NCOA1: variants seen among roughly 807,000 people sequenced by gnomAD.
NCOA1 encodes nuclear receptor coactivator 1.
A neutral mutation model predicts 150.9 loss-of-function variants in NCOA1; 35 were observed. The observed-to-expected ratio is 0.23, with a 90% CI of 0.18 to 0.31. NCOA1 has a LOEUF of 0.31. Among genes scored for constraint, NCOA1 ranks in the 10% least tolerant of loss-of-function variants. The pLI, the probability that NCOA1 is intolerant of heterozygous loss-of-function variation, is 1.00. For synonymous variants in NCOA1, 590 were observed against 630.0 expected, an observed-to-expected ratio of 0.94 and a Z score of 0.95; for missense variants, 1,491 against 1,749.3, an observed-to-expected ratio of 0.85 and a Z score of 2.63.
chr2:24,607,606 C>T (rs1265017740), intron 3 of NCOA1, among the ~76,000 whole-genome samples: 2 of 151,152 alleles, frequency 1.3e-5, no homozygotes, highest in African/African-American at 4.9e-5. Context: ...AGGAGAATGG[C>T]GTGAACCCAG....
intron 1 of NCOA1, among the ~76,000 whole-genome samples, chr2:24,498,259 A>AC (rs1663308007): frequency 3.3e-5 from 5 of 152,224 alleles, no homozygotes; most frequent in Non-Finnish European, 7.3e-5. Flanking sequence ...TTCGGTCAAG[A>AC]CGTAGTTATA....
chr2:24,606,378 A>G (rs1668364895), intron 3 of NCOA1, among the ~76,000 whole-genome samples: 1 of 152,066 alleles, frequency 6.6e-6, no homozygotes, highest in Non-Finnish European at 1.5e-5. Flanking sequence ...CTGGGATTAC[A>G]GGCGCCTGCC....
intron 14 of NCOA1, among the ~76,000 whole-genome samples, chr2:24,720,983 A>T (rs1242146660): frequency 6.6e-6 from 1 of 152,150 alleles, no homozygotes; most frequent in Admixed American, 6.5e-5. Context: ...ATCCTCCTTC[A>T]CCACCTGAGA....
intron 3 of NCOA1, among the ~76,000 whole-genome samples, chr2:24,615,161 T>C (rs1466900113): frequency 6.6e-6 from 1 of 152,228 alleles, no homozygotes; most frequent in Non-Finnish European, 1.5e-5. Flanking sequence ...TTTGTGACAT[T>C]ACAGAATATA....
chr2:24,685,444 G>A (rs189324334), intron 8 of NCOA1, among the ~76,000 whole-genome samples: 2 of 152,294 alleles, frequency 1.3e-5, no homozygotes, highest in Non-Finnish European at 2.9e-5. Flanking sequence ...AGAATGAGAT[G>A]TTAGTGAACA....
chr2:24,654,011 CATTTT>C (rs754451789), intron 4 of NCOA1, among the ~76,000 whole-genome samples: 1 of 152,068 alleles, frequency 6.6e-6, no homozygotes, highest in South Asian at 2.1e-4. Context: ...TTTTAAAATA[CATTTT>C]ATTTATATGA....
chr2:24,635,640 A>G (rs777548285), intron 3 of NCOA1, among the ~76,000 whole-genome samples: 5 of 152,188 alleles, frequency 3.3e-5, no homozygotes, highest in East Asian at 3.8e-4. Context: ...TATCTTTGCC[A>G]TATATAATGA....
At chr2:24,701,852 A>T (rs1294866989) in intron 11 of NCOA1, among the ~76,000 whole-genome samples, 2 of 152,216 alleles carry the variant, frequency 1.3e-5, no homozygotes, top group Non-Finnish European at 2.9e-5. Context: ...CCTATTAAAA[A>T]TACAAAAATT....
At chr2:24,545,790 G>T (rs1299800883) in intron 1 of NCOA1, among the ~76,000 whole-genome samples, 1 of 152,062 alleles carries the variant, frequency 6.6e-6, no homozygotes, top group African/African-American at 2.4e-5. Flanking sequence ...GTTTTTATTA[G>T]ATTTATTTAC....
chr2:24,600,219 T>C (rs889638760), intron 3 of NCOA1, among the ~76,000 whole-genome samples: 1 of 152,214 alleles, frequency 6.6e-6, no homozygotes, highest in Non-Finnish European at 1.5e-5. Flanking sequence ...GTTGTTGTTT[T>C]TGAGGCAGGG....
At chr2:24,599,725 C>CTTTTTT in intron 3 of NCOA1, among the ~76,000 whole-genome samples, 1 of 108,502 alleles carries the variant, frequency 9.2e-6, no homozygotes, top group Non-Finnish European at 1.9e-5. Flanking sequence ...TATGATTGAT[C>CTTTTTT]TTTTTTTTTT....
At chr2:24,739,664 T>C (rs55923052) in intron 18 of NCOA1, 131 bp downstream of exon 18, 17,129 of 574,500 alleles carry the variant, frequency 0.03, 413 homozygotes, top group African/African-American at 0.093. Flanking sequence ...TAGTTTTCTT[T>C]GAGAATGAAT....
rs374531939 is a variant in NCOA1, at chr2:24,713,419, A to G, written c.2599+2308A>G. Among the ~76,000 whole-genome samples the G allele has an allele frequency of 7.9e-5, 12 of 152,308 alleles. No homozygotes were observed. The South Asian group carries it at 8.3e-4, about 11-fold the overall frequency. On this transcript the variant is annotated intron_variant, in intron 14 of 22. Coordinates refer to ENST00000348332, the MANE Select transcript of NCOA1 (RefSeq NM_003743.5). ...AGTACTTGTACCAAAGCTTGTCATCATATCATTCTGGAACATGAGAGATAA... is the reference window on the plus strand; with the variant it reads ...AGTACTTGTACCAAAGCTTGTCATCGTATCATTCTGGAACATGAGAGATAA...
intron 17 of NCOA1, among the ~76,000 whole-genome samples, chr2:24,738,637 GA>G (rs1663447848): frequency 6.6e-6 from 1 of 152,088 alleles, no homozygotes; most frequent in African/African-American, 2.4e-5. Flanking sequence ...CCTTCTTGGC[GA>G]TCCACAATGT....
In NCOA1 at chr2:24,493,394, T is replaced by G. The variant is rs115641316; in HGVS notation, c.-396+1792T>G. 8.3e-3 allele frequency among the ~76,000 whole-genome samples: 1,261 copies of G among 152,312 alleles called. 12 individuals are homozygous for G. The highest frequency in any genetic ancestry group is 0.013 in the Non-Finnish European group (887 of 68,014). On this transcript the variant is annotated intron_variant, in intron 1 of 22. Transcript: ENST00000348332. ...GAGGACTGCTGCTTATAAGAACAGG[T>G]GTTTAGTTTGATTTTTGTAGATATT... is the stretch of plus-strand genomic sequence containing the variant.
intron 3 of NCOA1, among the ~76,000 whole-genome samples, chr2:24,605,422 T>C (rs762373406): frequency 1.3e-5 from 2 of 152,238 alleles, no homozygotes; most frequent in Non-Finnish European, 2.9e-5. Flanking sequence ...TTATTTATGT[T>C]GCTCTGTAGA....
intron 1 of NCOA1, among the ~76,000 whole-genome samples, chr2:24,540,422 G>A (rs1665338265): frequency 6.6e-6 from 1 of 151,482 alleles, no homozygotes; most frequent in South Asian, 2.1e-4. Flanking sequence ...AAGATGGATG[G>A]ATTAGAACTG....
At chr2:24,515,077 T>C (rs1302142329) in intron 1 of NCOA1, among the ~76,000 whole-genome samples, 1 of 152,208 alleles carries the variant, frequency 6.6e-6, no homozygotes, top group East Asian at 1.9e-4. Context: ...TAATCTAATT[T>C]AGCATTGAGA....
At chr2:24,636,617 C>T (rs1669948353) in intron 3 of NCOA1, among the ~76,000 whole-genome samples, 1 of 151,928 alleles carries the variant, frequency 6.6e-6, no homozygotes, top group African/African-American at 2.4e-5. Context: ...GGCCTTTTTG[C>T]CCTACGTAGG....
Sources: allele counts gnomAD v4.1 joint callset (sites outside exome capture counted in the v4.1 genomes callset), GRCh38; gene constraint gnomAD v4.1.1; transcripts MANE v1.5; gene names NCBI Gene and HGNC (gene_info 2026-07-23, HGNC 2026-07-21).